TUBB8: variants seen among roughly 807,000 people sequenced by gnomAD.
TUBB8 encodes tubulin beta-8 chain.
A neutral mutation model predicts 33.7 loss-of-function variants in TUBB8; 25 were observed. That is an observed-to-expected ratio of 0.74 (90% CI 0.54 to 1.04). The LOEUF (loss-of-function observed/expected upper bound fraction) is 1.04, where lower values mean the gene tolerates loss of function less well. Ranked by LOEUF, TUBB8 falls within the 50% of genes least tolerant of loss-of-function variation. The pLI is 0.00. For synonymous variants in TUBB8, 245 were observed against 240.1 expected (o/e 1.02, Z -0.19); for missense variants, 279 against 608.0 (o/e 0.46, Z 5.69).
chr10:74,999 C>T (rs1554742961), upstream of TUBB8, among the ~76,000 whole-genome samples: 1 of 151,490 alleles, frequency 6.6e-6, no homozygotes, highest in Non-Finnish European at 1.5e-5. Flanking sequence ...CTCAGCCTCC[C>T]GAGTAGCTGG....
chr10:47,251 C>T lies in TUBB8; in HGVS notation c.1141G>A (p.Val381Ile). The T allele has an allele frequency of 6.2e-7, 1 of 1,613,246 alleles. No homozygotes were observed. Among genetic ancestry groups the T allele is most frequent in the Non-Finnish European group, 8.5e-7 (1 of 1,179,940 alleles). The change falls in exon 4 of 4, where the codon GTC becomes ATC. Residue 381 changes from valine to isoleucine, a missense_variant. Physicochemically the swap from Val to Ile is conservative, Grantham distance 29. This residue lies in a region of TUBB8 where 123 missense variants were observed against 228.9 expected (regional missense o/e 0.54). Transcript: ENST00000568584. ...NTAIQELFKR[V>I]SEQFTAMFRR... ...AACATTGCTGTAAACTGCTCTGAGACACGCTTGAAGAGTTCCTGGATGGCC... is the reference window on the plus strand; with the variant it reads ...AACATTGCTGTAAACTGCTCTGAGATACGCTTGAAGAGTTCCTGGATGGCC...
Position 46,958 on chromosome 10 carries a change from T to A in TUBB8, c.*99A>T. On this transcript the variant is annotated 3_prime_UTR_variant, in exon 4 of 4. Coordinates refer to ENST00000568584, the MANE Select transcript of TUBB8 (RefSeq NM_177987.3). ...AAATGCTTTAAAACGCAGCAGGAGA[T>A]GTGAAGACACAAATTAACAAGCGTA... 1 of 596,608 alleles carries A rather than the reference T, an allele frequency of 1.7e-6. No homozygotes were observed. Among genetic ancestry groups the A allele is most frequent in the Non-Finnish European group, 3.0e-6 (1 of 338,910 alleles). The allele number at this position is 596,608 out of a possible 1,614,324, so 37.0% of individuals were successfully genotyped here.
chr10:47,166 G>C lies in TUBB8; in HGVS notation c.1226C>G (p.Thr409Ser), dbSNP rs782065112. 6.2e-6 allele frequency: 10 copies of C among 1,603,930 alleles called. No homozygotes were observed. Among genetic ancestry groups the C allele is most frequent in the Non-Finnish European group, 8.5e-6 (10 of 1,173,170 alleles). ...TGEGMDEMEF[T>S]EAESNMNDLV... ...GTCGTTCATGTTGCTCTCGGCCTCG[G>C]TGAATTCCATCTCATCCATGCCCTC... is the stretch of plus-strand genomic sequence containing the variant. Residue 409 changes from threonine (T) to serine (S), a missense_variant, in exon 4 of 4, where the codon ACC (threonine) becomes AGC (serine). Physicochemically the swap from Thr to Ser is moderately conservative, Grantham distance 58 (BLOSUM62 1). This residue lies in a region of TUBB8 where 123 missense variants were observed against 228.9 expected (regional missense o/e 0.54). Coordinates refer to ENST00000568584, the MANE Select transcript of TUBB8 (RefSeq NM_177987.3).
intron 1 of TUBB8, among the ~76,000 whole-genome samples, chr10:65,358 T>C (rs1201828596): frequency 2.0e-5 from 3 of 152,242 alleles, no homozygotes; most frequent in Non-Finnish European, 4.4e-5. Context: ...AATTTAATAC[T>C]AAACCACACT....
Position 49,163 on chromosome 10 carries a change from C to G in TUBB8, c.57+19G>C, listed in dbSNP as rs781930898. On this transcript the variant is annotated intron_variant, in intron 1 of 3. Transcript: ENST00000568584. ...ACCCGGCAGGCCCGGGCTAGGCCCTCAGAGCCCCGGCTGCCAACCTTGGCG... is the reference window on the plus strand; with the variant it reads ...ACCCGGCAGGCCCGGGCTAGGCCCTGAGAGCCCCGGCTGCCAACCTTGGCG... 3.1e-5 allele frequency: 48 copies of G among 1,562,340 alleles called. No homozygotes were observed. The highest frequency in any genetic ancestry group is 4.2e-5 in the Non-Finnish European group (48 of 1,154,408).
chr10:76,425 G>A (rs1554743226), upstream of TUBB8, among the ~76,000 whole-genome samples: 3 of 152,184 alleles, frequency 2.0e-5, no homozygotes, highest in Non-Finnish European at 4.4e-5. Flanking sequence ...CGCCGCGCTC[G>A]CTCCGCTGCA....
exon 1 of TUBB8, chr10:74,033 G>A (rs1441760916): frequency 6.4e-6 from 1 of 155,596 alleles, no homozygotes; most frequent in Non-Finnish European, 1.5e-5. Context: ...GCGGCCCCAG[G>A]TGTCCCAAGC....
chr10:64,558 A>G (rs1398826449), intron 1 of TUBB8, among the ~76,000 whole-genome samples: 2 of 152,096 alleles, frequency 1.3e-5, no homozygotes, highest in Admixed American at 1.3e-4. Context: ...CTTCTCCATA[A>G]CTTAAACCTA....
chr10:69,791 G>A (rs539000744), intron 1 of TUBB8, among the ~76,000 whole-genome samples: 1 of 152,294 alleles, frequency 6.6e-6, no homozygotes, highest in South Asian at 2.1e-4. Context: ...CAGCTACTGG[G>A]GAGGCTGAAG....
chr10:76,307 C>T (rs1834813831), upstream of TUBB8, among the ~76,000 whole-genome samples: 1 of 152,172 alleles, frequency 6.6e-6, no homozygotes, highest in South Asian at 2.1e-4. Context: ...AACAAAATCG[C>T]ATCGGTAACC....
chr10:63,375 C>A lies in TUBB8; in HGVS notation c.-846+10594G>T, dbSNP rs145271159. The stretch of plus-strand genomic sequence containing the variant: ...ACAGGCGTGAGCCACTGCACTGGGC[C>A]AATAAATGTTTAACTCTTATCTCTT... On this transcript the variant is annotated intron_variant, in intron 1 of 3. Coordinates refer to the TUBB8 transcript ENST00000564130. 8.8e-3 allele frequency among the ~76,000 whole-genome samples: 1,346 copies of A among 152,330 alleles called. 9 individuals carry two copies. The highest frequency in any genetic ancestry group is 0.017 in the Admixed American group (254 of 15,288).
intron 1 of TUBB8, among the ~76,000 whole-genome samples, chr10:56,645 CTCCAAAGGAAA>C (rs1554740188): frequency 1.3e-5 from 2 of 152,162 alleles, no homozygotes; most frequent in Non-Finnish European, 2.9e-5. Context: ...GTGAGAATGG[CTCCAAAGGAAA>C]TGATGCCAAA....
intron 1 of TUBB8, among the ~76,000 whole-genome samples, chr10:70,235 C>T (rs1237901921): frequency 6.6e-6 from 1 of 151,120 alleles, no homozygotes; most frequent in Non-Finnish European, 1.5e-5. Flanking sequence ...ACAAGATAAA[C>T]TAATAAGTAT....
rs575861453 is a variant in TUBB8 at position 56,000 on chromosome 10, T to A, written c.-845-5767A>T. Among the ~76,000 whole-genome samples the A allele has an allele frequency of 5.9e-5, 9 of 152,372 alleles. No individual in the cohort carries two copies. In the East Asian group the frequency reaches 1.7e-3, roughly 29 times the overall value. On this transcript the variant is annotated intron_variant, in intron 1 of 3. Coordinates refer to the TUBB8 transcript ENST00000564130. The stretch of plus-strand genomic sequence containing the variant: ...TGTGGTTCCATATATATTTCAGATT[T>A]TTTTTCTATTTCTGTGAGGAATGTC...
intron 1 of TUBB8, among the ~76,000 whole-genome samples, chr10:60,015 T>C (rs1834577938): frequency 6.6e-6 from 1 of 152,182 alleles, no homozygotes; most frequent in African/African-American, 2.4e-5. Flanking sequence ...ATCTTTGTTT[T>C]TTAGCTAGCC....
At chr10:74,192 C>G (rs1226791203), upstream of TUBB8, 12 of 151,184 alleles carry the variant, frequency 7.9e-5, no homozygotes, top group African/African-American at 2.7e-4. Flanking sequence ...CGCGGCCCTC[C>G]GGGTTTGGCA....
At chr10:60,844 A>G (rs1564209704) in intron 1 of TUBB8, among the ~76,000 whole-genome samples, 1 of 152,028 alleles carries the variant, frequency 6.6e-6, no homozygotes, top group Non-Finnish European at 1.5e-5. Context: ...CAACAATGAT[A>G]GACTGGATTA....
chr10:49,425 C>T (rs551380030), upstream of TUBB8: 501 of 714,750 alleles, frequency 7.0e-4, no homozygotes, highest in Middle Eastern at 2.2e-3. Flanking sequence ...TCCCCTGGCG[C>T]TGAACATCTG....
chr10:64,975 T>TAAAAAAAAAAAAAAAAAAA (rs61340461), intron 1 of TUBB8, among the ~76,000 whole-genome samples: 70 of 118,498 alleles, frequency 5.9e-4, no homozygotes, highest in Admixed American at 9.9e-4. Context: ...CCATCTCCAC[T>TAAAAAAAAAAAAAAAAAAA]AAAAAAAAAA....
Sources: gnomAD v4.1 joint callset for allele counts (sites outside exome capture counted in the v4.1 genomes callset) on GRCh38, gnomAD v4.1.1 for gene constraint, gnomAD v4.1.1 regional missense constraint, MANE v1.5 for transcripts, NCBI Gene and HGNC (gene_info 2026-07-23, HGNC 2026-07-21) for gene names.